Variants in DGCR2 observed in about 807,000 individuals in gnomAD.
DGCR2 encodes the protein DiGeorge syndrome critical region gene 2.
A neutral mutation model predicts 51.6 loss-of-function variants in DGCR2; 24 were observed. The observed-to-expected ratio is 0.47, with a 90% confidence interval of 0.34 to 0.65. DGCR2 has a LOEUF of 0.65. DGCR2 is among the 30% of genes least tolerant of loss of function. The pLI, the probability that DGCR2 is intolerant of heterozygous loss-of-function variation, is 0.01. For synonymous variants in DGCR2, 340 were observed against 315.4 expected (o/e 1.08, Z -0.82); for missense variants, 765 against 772.1 (o/e 0.99, Z 0.11).
intron 1 of DGCR2, among the ~76,000 whole-genome samples, chr22:19,090,940 T>C (rs1010761464): frequency 2.6e-5 from 4 of 152,124 alleles, no homozygotes; most frequent in Admixed American, 2.0e-4. Context: ...GAATTTGTCA[T>C]GTAGGGAAAA....
intron 1 of DGCR2, among the ~76,000 whole-genome samples, chr22:19,120,729 C>A (rs1369516978): frequency 2.0e-5 from 3 of 152,114 alleles, no homozygotes; most frequent in African/African-American, 7.2e-5. Flanking sequence ...CGGTGACCTT[C>A]TACCTCTCTA....
intron 6 of DGCR2, among the ~76,000 whole-genome samples, chr22:19,050,642 T>C (rs1007078767): frequency 6.6e-6 from 1 of 152,256 alleles, no homozygotes. Flanking sequence ...GTATGGAATG[T>C]AGTATTGGGT....
intron 2 of DGCR2, among the ~76,000 whole-genome samples, chr22:19,084,700 G>C (rs1046200030): frequency 9.0e-6 from 1 of 111,284 alleles, no homozygotes; most frequent in Non-Finnish European, 2.1e-5. Flanking sequence ...CAGCTGCCCC[G>C]TCCGGGAGGG....
At chr22:19,050,029 G>C (rs2082532376) in intron 6 of DGCR2, among the ~76,000 whole-genome samples, 1 of 152,052 alleles carries the variant, frequency 6.6e-6, no homozygotes, top group African/African-American at 2.4e-5. Context: ...AAATGGAGAG[G>C]AGAGAGAGAA....
At chr22:19,078,471 A>C (rs769429238) in intron 2 of DGCR2, among the ~76,000 whole-genome samples, 3 of 152,178 alleles carry the variant, frequency 2.0e-5, no homozygotes, top group Non-Finnish European at 2.9e-5. Context: ...TTTCTGTGAA[A>C]TCTTTAAGGT....
rs1308365578 is a variant in DGCR2, at chr22:19,068,170, C to A, written c.258G>T (p.Gln86His). 13 of 1,611,638 alleles carry A rather than the reference C, an allele frequency of 8.1e-6. No individual in the cohort carries two copies. The highest frequency in any genetic ancestry group is 1.1e-5 in the Non-Finnish European group (13 of 1,179,256). The change falls in exon 3 of 10, where the codon CAG becomes CAT. Residue 86 changes from glutamine (Q) to histidine (H), a missense_variant. Transcript: ENST00000263196. ...AAGGGTCGCCTCCTCTGGCCCGCCC[C>A]TGCCGCGGATCCACAGCCTCCTTCC... ...HHGKEAVDPRQGRARGGDPSH... is the reference protein window; with the variant it reads ...HHGKEAVDPRHGRARGGDPSH...
intron 4 of DGCR2, among the ~76,000 whole-genome samples, chr22:19,064,414 C>T (rs901951349): frequency 6.6e-6 from 1 of 152,258 alleles, no homozygotes; most frequent in Non-Finnish European, 1.5e-5. Flanking sequence ...GGAGTCAAAA[C>T]CCAGCTTGGG....
chr22:19,041,500 T>G, intron 8 of DGCR2: 1 of 604,802 alleles, frequency 1.7e-6, no homozygotes, highest in South Asian at 2.0e-5. Flanking sequence ...CACACCAACC[T>G]GTCCCTCTGG....
chr22:19,078,495 A>T (rs1471307525), intron 2 of DGCR2, among the ~76,000 whole-genome samples: 2 of 152,182 alleles, frequency 1.3e-5, no homozygotes, highest in African/African-American at 4.8e-5. Context: ...TATATATAAA[A>T]TCATGTCGTC....
intron 5 of DGCR2, among the ~76,000 whole-genome samples, chr22:19,059,314 C>T (rs757828335): frequency 4.6e-5 from 7 of 151,104 alleles, no homozygotes; most frequent in Admixed American, 6.6e-5. Context: ...TGTTAGATCC[C>T]GGTGGGGGCT....
At chr22:19,062,775 G>GCTCTCGCTCTCTCTCTCTCTCT (rs1491258740) in intron 5 of DGCR2, among the ~76,000 whole-genome samples, 1 of 108,860 alleles carries the variant, frequency 9.2e-6, no homozygotes, top group Non-Finnish European at 1.9e-5. Context: ...ACACATGCAT[G>GCTCTCGCTCTCTCTCTCTCTCT]CTCACTCTCT....
intron 1 of DGCR2, chr22:19,121,893 G>A (rs1686264877): frequency 3.8e-6 from 1 of 263,696 alleles, no homozygotes; most frequent in Non-Finnish European, 7.1e-6. Flanking sequence ...CCCGGGAAGG[G>A]CCCAGAGGCA....
chr22:19,041,585 C>T, intron 8 of DGCR2: 1 of 618,928 alleles, frequency 1.6e-6, no homozygotes, highest in Non-Finnish European at 2.8e-6. Flanking sequence ...GGCCTCTGAC[C>T]CTCAGAGGCC....
intron 5 of DGCR2, among the ~76,000 whole-genome samples, chr22:19,059,406 G>A (rs968890250): frequency 6.6e-6 from 1 of 151,946 alleles, no homozygotes; most frequent in African/African-American, 2.4e-5. Context: ...ATACTGCACT[G>A]GGGATGACTC....
At chr22:19,062,775 G>GCTGTCTCTGTCTCTCTGTCTCTCTCTCT (rs2082686000) in intron 5 of DGCR2, among the ~76,000 whole-genome samples, 1 of 108,860 alleles carries the variant, frequency 9.2e-6, no homozygotes, top group Non-Finnish European at 1.9e-5. Flanking sequence ...ACACATGCAT[G>GCTGTCTCTGTCTCTCTGTCTCTCTCTCT]CTCACTCTCT....
At chr22:19,098,599 G>T (rs1375055006) in intron 1 of DGCR2, among the ~76,000 whole-genome samples, 1 of 152,054 alleles carries the variant, frequency 6.6e-6, no homozygotes, top group African/African-American at 2.4e-5. Context: ...TAAATGTTTT[G>T]TTTTTTGAGA....
intron 6 of DGCR2, among the ~76,000 whole-genome samples, chr22:19,051,043 G>C (rs1365520640): frequency 6.6e-6 from 1 of 151,916 alleles, no homozygotes; most frequent in Non-Finnish European, 1.5e-5. Context: ...AGAAAAATTA[G>C]CCAGGCGTGG....
intron 4 of DGCR2, among the ~76,000 whole-genome samples, chr22:19,064,260 G>A (rs577225629): frequency 4.8e-4 from 73 of 152,344 alleles, no homozygotes; most frequent in Middle Eastern, 6.8e-3. Context: ...ATACCCTCTT[G>A]CTTCTCCACT....
At chr22:19,096,894 C>A (rs201545148) in intron 1 of DGCR2, among the ~76,000 whole-genome samples, 13,675 of 138,048 alleles carry the variant, frequency 0.099, 710 homozygotes, top group Middle Eastern at 0.16. Context: ...AAAAAAAAAA[C>A]AAAAAAAAAA....
Sources: gnomAD v4.1 joint callset for allele counts (sites outside exome capture counted in the v4.1 genomes callset) on GRCh38, gnomAD v4.1.1 for gene constraint, MANE v1.5 for transcripts, NCBI Gene and HGNC (gene_info 2026-07-23, HGNC 2026-07-21) for gene names.